RSF1: variants seen among roughly 807,000 people sequenced by gnomAD.
RSF1 encodes the protein remodeling and spacing factor 1.
RSF1 carries 13 observed loss-of-function variants against 145.2 expected under a neutral mutation model. The ratio of observed to expected loss-of-function variants is 0.09; its 90% CI spans 0.06 to 0.14. RSF1 has a LOEUF of 0.14. Ranked by LOEUF, RSF1 falls within the 10% of genes least tolerant of loss-of-function variation. RSF1 has a pLI of 1.00. For missense variants in RSF1, 1,517 were observed against 1,718.2 expected, an observed-to-expected ratio of 0.88 and a Z score of 2.07; for synonymous variants, 577 against 592.6, an observed-to-expected ratio of 0.97 and a Z score of 0.38.
the RSF1 span, among the ~76,000 whole-genome samples, chr11:77,863,184 G>C: frequency 1.3e-5 from 2 of 152,130 alleles, no homozygotes; most frequent in African/African-American, 4.8e-5. Flanking sequence ...CCAGTGACTA[G>C]TGTTCAGCTT....
At position 77,662,829 on chromosome 11, in the gene RSF1, C is replaced by T. The variant is rs1370954940; in HGVS notation, c.*4088G>A. 1 of 152,182 alleles carries T rather than the reference C, an allele frequency of 6.6e-6. No individual in the cohort carries two copies. Among genetic ancestry groups the T allele is most frequent in the Non-Finnish European group, 1.5e-5 (1 of 68,028 alleles). The allele number at this position is 152,182 out of a possible 1,614,324, so 9.4% of individuals were successfully genotyped here. ...AGCAGATATGCAGCCTTGGCATTCT[C>T]TGCTTCTTCGAGAATGAGGAATATA... On this transcript the variant is annotated 3_prime_UTR_variant, in exon 16 of 16. Coordinates refer to ENST00000308488, the MANE Select transcript of RSF1 (RefSeq NM_016578.4).
chr11:77,847,001 A>C, the RSF1 span, among the ~76,000 whole-genome samples: 1 of 152,138 alleles, frequency 6.6e-6, no homozygotes, highest in East Asian at 1.9e-4. Flanking sequence ...AACTGGGCTG[A>C]TAGTGTAAAT....
rs77250684 is a variant in RSF1 at position 77,663,285 on chromosome 11, C to G, written c.*3632G>C. On this transcript the variant is annotated 3_prime_UTR_variant, in exon 16 of 16. Coordinates refer to ENST00000308488, the MANE Select transcript of RSF1 (RefSeq NM_016578.4). ...TTGTGACAAAGGACACCCCACCAGTCCCACTTAAAAACAGCTAACATTTCC... is the reference window on the plus strand; with the variant it reads ...TTGTGACAAAGGACACCCCACCAGTGCCACTTAAAAACAGCTAACATTTCC... 1.1e-3 allele frequency: 171 copies of G among 152,264 alleles called. No individual in the cohort carries two copies. Among genetic ancestry groups the G allele is most frequent in the African/African-American group, 4.0e-3 (166 of 41,562 alleles). The allele number at this position is 152,264 out of a possible 1,614,324, so 9.4% of individuals were successfully genotyped here.
At chr11:77,675,688 A>T (rs1424437884) in intron 13 of RSF1, among the ~76,000 whole-genome samples, 1 of 152,038 alleles carries the variant, frequency 6.6e-6, no homozygotes, top group Non-Finnish European at 1.5e-5. Flanking sequence ...TCTAGAGTCT[A>T]CCTCTTAAAA....
chr11:77,726,323 G>C (rs947865953), intron 4 of RSF1, among the ~76,000 whole-genome samples: 1 of 152,076 alleles, frequency 6.6e-6, no homozygotes, highest in Non-Finnish European at 1.5e-5. Flanking sequence ...TTAAAAAAGA[G>C]ACATGGTCTC....
At chr11:77,746,384 T>C (rs1223121507) in intron 3 of RSF1, among the ~76,000 whole-genome samples, 3 of 152,218 alleles carry the variant, frequency 2.0e-5, no homozygotes, top group African/African-American at 7.2e-5. Context: ...TAGTAATATG[T>C]ATATTGACAT....
At chr11:77,754,196 A>T (rs1380760040) in intron 2 of RSF1, among the ~76,000 whole-genome samples, 1 of 152,180 alleles carries the variant, frequency 6.6e-6, no homozygotes, top group Non-Finnish European at 1.5e-5. Context: ...GAAAACTAGT[A>T]AGAAAATATC....
rs1479241275 is a variant in RSF1 at position 77,671,914 on chromosome 11, G to C, written c.3751+128C>G. The C allele has an allele frequency of 3.5e-5, 29 of 829,860 alleles. No individual in the cohort carries two copies. The South Asian group carries it at 7.1e-4, about 20-fold the overall frequency. 51.4% of individuals were successfully genotyped at this position (829,860 alleles called of 1,614,324 possible). ...CTCCCAAACTGCCGGGATTACAGGC[G>C]TGAGCCACCATGCCTGGCCTGGTTA... On this transcript the variant is annotated intron_variant, in intron 15 of 15. Coordinates refer to ENST00000308488, the MANE Select transcript of RSF1 (RefSeq NM_016578.4).
intron 2 of RSF1, among the ~76,000 whole-genome samples, chr11:77,759,457 A>C (rs1053116024): frequency 6.6e-6 from 1 of 152,236 alleles, no homozygotes; most frequent in Non-Finnish European, 1.5e-5. Context: ...CAAGGCGGGC[A>C]GATCACGAGG....
At chr11:77,678,266 G>A in intron 11 of RSF1, 113 bp from the exon 12 acceptor site, 1 of 533,230 alleles carries the variant, frequency 1.9e-6, no homozygotes, top group Non-Finnish European at 2.9e-6. Context: ...TGCCAGGCTG[G>A]AGTGCAGTGG....
intron 1 of RSF1, among the ~76,000 whole-genome samples, chr11:77,779,134 C>T (rs911614684): frequency 6.6e-6 from 1 of 151,624 alleles, no homozygotes; most frequent in Non-Finnish European, 1.5e-5. Flanking sequence ...CGTAGAGACA[C>T]GGTTTCACCA....
intron 1 of RSF1, among the ~76,000 whole-genome samples, chr11:77,792,062 G>A (rs1200453682): frequency 6.6e-6 from 1 of 152,206 alleles, no homozygotes; most frequent in East Asian, 1.9e-4. Flanking sequence ...AAAAGAAAGA[G>A]GTTTATTGCA....
intron 4 of RSF1, among the ~76,000 whole-genome samples, chr11:77,728,259 G>GAA (rs1961106194): frequency 6.6e-6 from 1 of 152,012 alleles, no homozygotes; most frequent in Non-Finnish European, 1.5e-5. Context: ...TCAAAGACAA[G>GAA]TATAGAATGA....
At chr11:77,864,133 G>GC in the RSF1 span, among the ~76,000 whole-genome samples, 7 of 151,500 alleles carry the variant, frequency 4.6e-5, no homozygotes, top group African/African-American at 1.7e-4. Flanking sequence ...CACCATGTTT[G>GC]CCAGGCTGGT....
At chr11:77,842,502 T>C in the RSF1 span, 2 of 1,613,798 alleles carry the variant, frequency 1.2e-6, no homozygotes, top group Non-Finnish European at 1.7e-6. Context: ...TCCTTATGAC[T>C]TCCCCTGAAA....
rs766881698 is a variant in RSF1, at chr11:77,672,201, C to G, written c.3592G>C (p.Asp1198His). 1 of 1,608,180 alleles carries G rather than the reference C, an allele frequency of 6.2e-7. No individual in the cohort carries two copies. The highest frequency in any genetic ancestry group is 8.5e-7 in the Non-Finnish European group (1 of 1,178,266). ...ESDFSDDFSD[D>H]FVETRRRRSR... is the part of the protein sequence containing the mutation. ...CGCCTTCGCCGAGTTTCTACAAAAT[C>G]ATCACTAAAATCATCACTGAAGTCA... Residue 1198 changes from aspartate (D) to histidine (H), a missense_variant, in exon 15 of 16, where the codon GAT becomes CAT. Around this residue, in one of 12 missense-constraint regions of RSF1, gnomAD observed 231 missense variants for 276.6 expected, o/e 0.84. Transcript: ENST00000308488.
upstream of RSF1, among the ~76,000 whole-genome samples, chr11:77,822,286 C>T (rs1213106510): frequency 2.0e-5 from 3 of 151,596 alleles, no homozygotes; most frequent in African/African-American, 7.3e-5. Flanking sequence ...GTAAAAATAA[C>T]GAAAATTAGC....
chr11:77,774,052 T>C (rs1325294318), intron 1 of RSF1, among the ~76,000 whole-genome samples: 1 of 152,176 alleles, frequency 6.6e-6, no homozygotes, highest in Non-Finnish European at 1.5e-5. Flanking sequence ...TTAGTCCTAA[T>C]TATCTTTAAG....
intron 4 of RSF1, among the ~76,000 whole-genome samples, chr11:77,737,159 A>G (rs925240219): frequency 6.6e-6 from 1 of 152,184 alleles, no homozygotes; most frequent in South Asian, 2.1e-4. Context: ...AAAATGAGAA[A>G]ACTATGCGAT....
Sources: allele counts gnomAD v4.1 joint callset (sites outside exome capture counted in the v4.1 genomes callset), GRCh38; gene constraint gnomAD v4.1.1; regional missense constraint gnomAD v4.1.1; transcripts MANE v1.5; gene names NCBI Gene and HGNC (gene_info 2026-07-23, HGNC 2026-07-21).